Variants in ARHGAP8 observed in about 807,000 individuals in gnomAD.
ARHGAP8 encodes rho GTPase-activating protein 8.
Under a neutral mutation model 46.1 loss-of-function variants are expected in ARHGAP8, and 62 were observed. The ratio of observed to expected loss-of-function variants is 1.34; its 90% CI spans 1.10 to 1.66. The LOEUF is 1.66. ARHGAP8 is among the 40% of genes most tolerant of loss of function. The pLI is 0.00. For missense variants in ARHGAP8, 923 were observed against 568.4 expected, an observed-to-expected ratio of 1.62 and a Z score of -6.34; for synonymous variants, 375 against 243.1, an observed-to-expected ratio of 1.54 and a Z score of -5.05.
At chr22:44,801,932 C>T (rs1928583576) in intron 2 of ARHGAP8, 145 bp from the exon 3 acceptor site, 5 of 805,704 alleles carry the variant, frequency 6.2e-6, no homozygotes, top group Admixed American at 4.8e-5. Flanking sequence ...TGGATGCTCA[C>T]TCAGCAGGTG....
chr22:44,837,327 C>T (rs545299529), intron 7 of ARHGAP8, among the ~76,000 whole-genome samples: 3 of 152,320 alleles, frequency 2.0e-5, no homozygotes, highest in South Asian at 2.1e-4. Flanking sequence ...TGAGAGTCCC[C>T]GATGCCCTCC....
At chr22:44,809,453 T>C in intron 4 of ARHGAP8, 4 of 351,154 alleles carry the variant, frequency 1.1e-5, no homozygotes, top group South Asian at 8.7e-5. Context: ...CTCTTCTTGC[T>C]TTCACAGCCC....
At chr22:44,807,412 G>T (rs1387090936) in intron 3 of ARHGAP8, among the ~76,000 whole-genome samples, 1 of 148,858 alleles carries the variant, frequency 6.7e-6, no homozygotes, top group South Asian at 2.1e-4. Context: ...GGGGTGGCGG[G>T]CGACAGACGC....
chr22:44,835,845 G>C (rs551595870), intron 7 of ARHGAP8, among the ~76,000 whole-genome samples: 1 of 152,292 alleles, frequency 6.6e-6, no homozygotes, highest in Non-Finnish European at 1.5e-5. Context: ...GAACTGGTAA[G>C]TATCTGTCTT....
chr22:44,779,082 C>G (rs1246254140), intron 1 of ARHGAP8, among the ~76,000 whole-genome samples: 2 of 142,348 alleles, frequency 1.4e-5, no homozygotes, highest in Non-Finnish European at 3.0e-5. Context: ...CAGTGACTGA[C>G]TTTTTGGTCT....
At chr22:44,786,639 T>A in intron 2 of ARHGAP8, 33 bp downstream of exon 2, 1 of 1,598,666 alleles carries the variant, frequency 6.3e-7, no homozygotes, top group Non-Finnish European at 8.5e-7. Flanking sequence ...TGCAGGACCA[T>A]GGGCAGAGCA....
intron 1 of ARHGAP8, among the ~76,000 whole-genome samples, chr22:44,783,635 C>T (rs994309427): frequency 6.6e-6 from 1 of 152,194 alleles, no homozygotes; most frequent in Non-Finnish European, 1.5e-5. Context: ...TCCCTGAGGC[C>T]AGAGCTGTGC....
At position 44,859,666 on chromosome 22, in the gene ARHGAP8, GGGCCGGGATGCAGCGCTGCCCCT is replaced by G. The variant is rs748425531; in HGVS notation, c.878-60_878-38del. 6 of 1,572,632 alleles carry G rather than the reference GGGCCGGGATGCAGCGCTGCCCCT, an allele frequency of 3.8e-6. No homozygotes were observed. In the South Asian group the frequency reaches 5.6e-5, roughly 15 times the overall value. On this transcript the variant is annotated intron_variant, in intron 10 of 11. Transcript: ENST00000356099. ...CTTCCTACACCCCTGTTCTCCTCCC[GGGCCGGGATGCAGCGCTGCCCCT>G]GGCCCCTCTGGAGCTCAGCAGGGAG... is the stretch of plus-strand genomic sequence containing the variant.
At chr22:44,832,876 C>T (rs1181552047) in intron 7 of ARHGAP8, among the ~76,000 whole-genome samples, 1 of 152,056 alleles carries the variant, frequency 6.6e-6, no homozygotes, top group African/African-American at 2.4e-5. Context: ...CCTATATTCT[C>T]AGCTATTTGG....
chr22:44,860,100 G>A (rs931747315), intron 11 of ARHGAP8, among the ~76,000 whole-genome samples: 9 of 152,150 alleles, frequency 5.9e-5, no homozygotes, highest in African/African-American at 1.4e-4. Context: ...AGTGACTTTT[G>A]TTATTGGGGT....
Position 44,784,103 on chromosome 22 carries a change from A to C in ARHGAP8, c.-71-2354A>C, listed in dbSNP as rs541403980. ...ACCACAATAAAACCATGCAAATTAA[A>C]AATAAAAAAAAAGTACACTGCCAGC... is the stretch of plus-strand genomic sequence containing the variant. On this transcript the variant is annotated intron_variant, in intron 1 of 11. Transcript: ENST00000356099. 1.4e-3 allele frequency among the ~76,000 whole-genome samples: 217 copies of C among 151,974 alleles called. 1 individual carries two copies. The highest frequency in any genetic ancestry group is 5.1e-3 in the African/African-American group (212 of 41,258).
chr22:44,787,447 G>C (rs943089159), intron 2 of ARHGAP8, among the ~76,000 whole-genome samples: 1 of 152,150 alleles, frequency 6.6e-6, no homozygotes, highest in Non-Finnish European at 1.5e-5. Context: ...CCGGGTTCAA[G>C]AGATTCTCCT....
At chr22:44,861,292 G>A (rs2070469747) in intron 11 of ARHGAP8, among the ~76,000 whole-genome samples, 1 of 152,172 alleles carries the variant, frequency 6.6e-6, no homozygotes, top group Non-Finnish European at 1.5e-5. Context: ...TTCATTAGGA[G>A]AGACTGATTT....
chr22:44,816,976 C>CCT (rs1203286550), intron 5 of ARHGAP8, among the ~76,000 whole-genome samples: 3 of 151,026 alleles, frequency 2.0e-5, no homozygotes, highest in Non-Finnish European at 4.4e-5. Context: ...ACCTCTGCCT[C>CCT]CTGGGTTCAA....
At chr22:44,812,539 T>A (rs1275088713) in intron 4 of ARHGAP8, among the ~76,000 whole-genome samples, 1 of 151,974 alleles carries the variant, frequency 6.6e-6, no homozygotes, top group Non-Finnish European at 1.5e-5. Context: ...GTATTTTTAG[T>A]GGAGACGGGT....
chr22:44,859,699 G>A (rs373306260), intron 10 of ARHGAP8, 32 bp from the exon 11 acceptor site: 79 of 1,609,390 alleles, frequency 4.9e-5, no homozygotes, highest in African/African-American at 3.7e-4. Context: ...TGGCCCCTCT[G>A]GAGCTCAGCA....
At chr22:44,791,984 C>T (rs1326274655) in intron 2 of ARHGAP8, among the ~76,000 whole-genome samples, 1 of 151,772 alleles carries the variant, frequency 6.6e-6, no homozygotes, top group African/African-American at 2.4e-5. Flanking sequence ...CTTCCAATTG[C>T]CAGCAGCTTT....
At chr22:44,844,702 A>T (rs2069911366) in intron 7 of ARHGAP8, among the ~76,000 whole-genome samples, 1 of 152,104 alleles carries the variant, frequency 6.6e-6, no homozygotes, top group African/African-American at 2.4e-5. Flanking sequence ...GGCTCAAGTG[A>T]TCCGCCTGCC....
intron 5 of ARHGAP8, among the ~76,000 whole-genome samples, chr22:44,815,540 C>T (rs1929676561): frequency 6.6e-6 from 1 of 152,120 alleles, no homozygotes; most frequent in Non-Finnish European, 1.5e-5. Context: ...CACCCATGGC[C>T]AGCCTTCTCT....
Sources: gnomAD v4.1 joint callset for allele counts (sites outside exome capture counted in the v4.1 genomes callset) on GRCh38, gnomAD v4.1.1 for gene constraint, MANE v1.5 for transcripts, NCBI Gene and HGNC (gene_info 2026-07-23, HGNC 2026-07-21) for gene names.